The following RFFL variants were observed in gnomAD, a reference collection of about 807,000 sequenced individuals.
RFFL encodes the protein ring finger and FYVE like domain containing E3 ubiquitin protein ligase.
Under a neutral mutation model 40.4 loss-of-function variants are expected in RFFL, and 16 were observed. That is an observed-to-expected ratio of 0.40 (90% CI 0.27 to 0.60). RFFL has a LOEUF of 0.60. Among genes scored for constraint, RFFL ranks in the 20% least tolerant of loss-of-function variants. RFFL has a pLI of 0.47. For missense variants in RFFL, 367 were observed against 451.7 expected (o/e 0.81, Z 1.70); for synonymous variants, 154 against 167.9 (o/e 0.92, Z 0.64).
At chr17:35,018,897 T>G (rs997800804) in intron 3 of RFFL, 3 of 152,282 alleles carry the variant, frequency 2.0e-5, no homozygotes, top group Non-Finnish European at 4.4e-5. Flanking sequence ...ATCTTTCAGA[T>G]GTCCTGTTTC....
At position 35,009,007 on chromosome 17, in the gene RFFL, T is replaced by C. The variant is rs2142306039; in HGVS notation, c.*2961A>G. 1 of 152,576 alleles carries C rather than the reference T, an allele frequency of 6.6e-6. No homozygotes were observed. The highest frequency in any genetic ancestry group is 2.4e-5 in the African/African-American group (1 of 41,566). 9.5% of individuals were successfully genotyped at this position (152,576 alleles called of 1,614,324 possible). A position where few individuals can be genotyped will look rare whatever the true frequency, so the allele number is the denominator to read the frequency against. ...GTCTCAAACTCCTGAGCTCAAGCAG[T>C]CTTCCCACCTTGGCCTCCTAAAGTG... On this transcript the variant is annotated 3_prime_UTR_variant, in exon 7 of 7. Coordinates refer to ENST00000394597, the MANE Select transcript of RFFL (RefSeq NM_001017368.2).
chr17:35,015,316 G>T (rs1597811398), intron 5 of RFFL, among the ~76,000 whole-genome samples: 5 of 152,356 alleles, frequency 3.3e-5, no homozygotes, highest in Middle Eastern at 3.4e-3. Flanking sequence ...AAACTGCCAA[G>T]TAGAAGGATA....
upstream of RFFL, among the ~76,000 whole-genome samples, chr17:35,065,335 C>T (rs575419824): frequency 2.6e-5 from 4 of 152,230 alleles, no homozygotes; most frequent in Admixed American, 6.5e-5. Context: ...GTGGGCGGAT[C>T]ACCTGAGGTC....
intron 2 of RFFL, among the ~76,000 whole-genome samples, chr17:35,022,385 A>ATGG (rs1414186696): frequency 2.0e-5 from 3 of 152,194 alleles, no homozygotes; most frequent in Admixed American, 6.5e-5. Flanking sequence ...CATGAAGGTT[A>ATGG]TGGTGGTGGT....
chr17:35,016,898 C>A (rs566172117), intron 4 of RFFL, among the ~76,000 whole-genome samples: 1 of 152,242 alleles, frequency 6.6e-6, no homozygotes, highest in South Asian at 2.1e-4. Context: ...GACTCCTCTG[C>A]TGTTAATGCT....
chr17:35,079,539 T>G (rs142026087), intron 1 of RFFL, among the ~76,000 whole-genome samples: 1 of 152,292 alleles, frequency 6.6e-6, no homozygotes, highest in East Asian at 1.9e-4. Flanking sequence ...ATCAAGTAAA[T>G]GCAATTTAAG....
intron 1 of RFFL, among the ~76,000 whole-genome samples, chr17:35,082,585 T>C (rs958955532): frequency 2.6e-5 from 4 of 152,200 alleles, no homozygotes; most frequent in Non-Finnish European, 1.5e-5. Flanking sequence ...CTTTCATACA[T>C]TTTCTAAAAG....
chr17:35,075,142 T>C (rs1351009234), intron 1 of RFFL, among the ~76,000 whole-genome samples: 1 of 152,180 alleles, frequency 6.6e-6, no homozygotes, highest in Non-Finnish European at 1.5e-5. Flanking sequence ...AAGGTTATAA[T>C]AACGCAAGCC....
chr17:35,086,834 CTA>C (rs1307653466), intron 1 of RFFL, among the ~76,000 whole-genome samples: 1 of 152,100 alleles, frequency 6.6e-6, no homozygotes, highest in Non-Finnish European at 1.5e-5. Flanking sequence ...ATTAAAGGTT[CTA>C]TGACAAGAAT....
intron 1 of RFFL, among the ~76,000 whole-genome samples, chr17:35,072,839 T>C (rs1422323488): frequency 1.5e-4 from 23 of 151,594 alleles, no homozygotes; most frequent in Admixed American, 1.4e-3. Context: ...AGGTGGAGAG[T>C]TCGAGACCAG....
At chr17:35,063,041 C>CA (rs918945467) in intron 1 of RFFL, among the ~76,000 whole-genome samples, 28 of 151,766 alleles carry the variant, frequency 1.8e-4, no homozygotes, top group African/African-American at 9.7e-5. Context: ...AAGATACACA[C>CA]AAAAAAACAA....
At chr17:35,082,953 T>G (rs1450542639) in intron 1 of RFFL, among the ~76,000 whole-genome samples, 1 of 152,216 alleles carries the variant, frequency 6.6e-6, no homozygotes, top group Non-Finnish European at 1.5e-5. Context: ...ATCTAGTGCC[T>G]GAATCTGTTT....
chr17:35,020,870 T>C (rs893328749), intron 3 of RFFL, among the ~76,000 whole-genome samples: 8 of 152,254 alleles, frequency 5.3e-5, no homozygotes, highest in African/African-American at 1.9e-4. Context: ...CAACTACTCC[T>C]GCTTCCAGCC....
chr17:35,021,744 G>A lies in RFFL; in HGVS notation c.218C>T (p.Thr73Ile), dbSNP rs886532739. ...CLDCKKNFCMTCSSQVGNGPR... is the reference protein window; with the variant it reads ...CLDCKKNFCMICSSQVGNGPR... ...CCCATTCCCTACTTGGCTCGAACAG[G>A]TCATGCAAAAATTTTTCTTACAGTC... The change falls in exon 3 of 7, where the codon ACC becomes ATC. Residue 73 changes from threonine to isoleucine, a missense_variant. Coordinates refer to ENST00000394597, the MANE Select transcript of RFFL (RefSeq NM_001017368.2). The A allele has an allele frequency of 1.9e-6, 3 of 1,614,078 alleles. No individual in the cohort carries two copies. Among genetic ancestry groups the A allele is most frequent in the Admixed American group, 1.7e-5 (1 of 60,004 alleles).
intron 1 of RFFL, among the ~76,000 whole-genome samples, chr17:35,043,239 A>G (rs2091177895): frequency 6.6e-6 from 1 of 152,214 alleles, no homozygotes; most frequent in Non-Finnish European, 1.5e-5. Flanking sequence ...TGGCTCTAAC[A>G]CTGAATAAAT....
chr17:35,035,629 C>T (rs1472139096), intron 1 of RFFL, among the ~76,000 whole-genome samples: 1 of 150,330 alleles, frequency 6.7e-6, no homozygotes, highest in Non-Finnish European at 1.5e-5. Flanking sequence ...CTTTATATAC[C>T]TATATCTGTA....
intron 1 of RFFL, among the ~76,000 whole-genome samples, chr17:35,043,546 T>C (rs554097984): frequency 2.6e-5 from 4 of 152,326 alleles, no homozygotes; most frequent in East Asian, 1.9e-4. Context: ...CTAGAGCCTC[T>C]TCTCTCCTCC....
upstream of RFFL, among the ~76,000 whole-genome samples, chr17:35,067,750 C>G (rs188101514): frequency 6.6e-6 from 1 of 152,204 alleles, no homozygotes; most frequent in Non-Finnish European, 1.5e-5. Context: ...CCACTGCGCC[C>G]GGCCTTCCAA....
chr17:35,076,908 G>T, intron 1 of RFFL: 1 of 266,802 alleles, frequency 3.7e-6, no homozygotes. Flanking sequence ...GTCAAATGAG[G>T]CACTTAAAAA....
Sources: gnomAD v4.1 joint callset for allele counts (sites outside exome capture counted in the v4.1 genomes callset) on GRCh38, gnomAD v4.1.1 for gene constraint, MANE v1.5 for transcripts, NCBI Gene and HGNC (gene_info 2026-07-23, HGNC 2026-07-21) for gene names.